Variants in MBL2 observed in about 807,000 individuals in gnomAD.
MBL2 encodes the protein mannose binding lectin 2.
In MBL2, 6 loss-of-function variants were observed where a neutral mutation model predicts 12.7. The observed-to-expected ratio is 0.47, with a 90% CI of 0.26 to 0.94. The LOEUF is 0.94. Among genes scored for constraint, MBL2 ranks in the 40% least tolerant of loss-of-function variants. The pLI, the probability that MBL2 is intolerant of heterozygous loss-of-function variation, is 0.15. For missense variants in MBL2, 307 were observed against 295.2 expected (o/e 1.04, Z -0.29); for synonymous variants, 114 against 112.0 (o/e 1.02, Z -0.11).
chr10:52,770,307 A>G (rs4935047), intron 3 of MBL2, among the ~76,000 whole-genome samples: 74,804 of 152,126 alleles, frequency 0.49, 19,964 homozygotes, highest in East Asian at 0.65. Flanking sequence ...GTAAAATATG[A>G]CATACCATGG....
rs1413946607 is a variant in MBL2 at position 52,771,554 on chromosome 10, C to A, written c.82G>T (p.Ala28Ser). 6.2e-7 allele frequency: 1 copy of A among 1,613,826 alleles called. No homozygotes were observed. The change falls in exon 2 of 5, where the codon GCC becomes TCC. Residue 28 changes from alanine (A) to serine (S), a missense_variant. By Grantham distance (99) the Ala-to-Ser change is moderately conservative. Transcript: ENST00000674931. ...SYSETVTCED[A>S]QKTCPAVIAC... ...ATCACTGCAGGGCAGGTCTTTTGGG[C>A]ATCCTCACAGGTCACAGTTTCTGAG...
In MBL2 at chr10:52,768,352, T is replaced by A; in HGVS notation, c.532A>T (p.Ile178Phe). The A allele has an allele frequency of 6.2e-7, 1 of 1,612,220 alleles. No homozygotes were observed. Among genetic ancestry groups the A allele is most frequent in the East Asian group, 2.2e-5 (1 of 44,828 alleles). ...AAENGAIQNL[I>F]KEEAFLGITD... ...ATGCCCAGGAAGGCTTCCTCCTTGATGAGATTCTGAATGGCTCCATTCTCT... is the reference window on the plus strand; with the variant it reads ...ATGCCCAGGAAGGCTTCCTCCTTGAAGAGATTCTGAATGGCTCCATTCTCT... Residue 178 changes from isoleucine (I) to phenylalanine (F), a missense_variant, in exon 5 of 5, where the codon ATC becomes TTC. By Grantham distance (21) the Ile-to-Phe change is conservative. Transcript: ENST00000674931.
rs16933335 is a variant in MBL2 at position 52,772,553 on chromosome 10, C to A, written c.-10+184G>T. ...AAAGACAGTCTCCACTGCAGATGAA[C>A]AGATAATGGAGGAAAGTCACAGATG... On this transcript the variant is annotated intron_variant, in intron 1 of 4. Transcript: ENST00000674931. Among the ~76,000 whole-genome samples the A allele has an allele frequency of 9.6e-3, 1,457 of 152,216 alleles. 24 individuals carry two copies. Among genetic ancestry groups the A allele is most frequent in the African/African-American group, 0.034 (1,395 of 41,522 alleles).
chr10:52,769,200 T>A, intron 4 of MBL2, 47 bp downstream of exon 4: 1 of 1,324,036 alleles, frequency 7.6e-7, no homozygotes, highest in Non-Finnish European at 1.1e-6. Flanking sequence ...TTGCATTCTA[T>A]TTTTCCCAAA....
Position 52,771,533 on chromosome 10 carries a change from C to T in MBL2, c.103G>A (p.Val35Met), listed in dbSNP as rs772241095. Residue 35 changes from valine (V) to methionine (M), a missense_variant, in exon 2 of 5, where the codon GTG (valine) becomes ATG (methionine). Coordinates refer to ENST00000674931, the MANE Select transcript of MBL2 (RefSeq NM_001378373.1). ...CEDAQKTCPA[V>M]IACSSPGING... ...ATGCCTGGAGAGCTACAGGCAATCA[C>T]TGCAGGGCAGGTCTTTTGGGCATCC... 3 of 1,613,948 alleles carry T rather than the reference C, an allele frequency of 1.9e-6. No individual in the cohort carries two copies. Among genetic ancestry groups the T allele is most frequent in the Non-Finnish European group, 2.5e-6 (3 of 1,179,880 alleles).
At chr10:52,771,926 G>A (rs1423993535) in intron 1 of MBL2, among the ~76,000 whole-genome samples, 4 of 152,160 alleles carry the variant, frequency 2.6e-5, no homozygotes, top group Admixed American at 1.3e-4. Context: ...CATGCTTTCG[G>A]TGGCAGTGAG....
intron 4 of MBL2, 23 bp downstream of exon 4, chr10:52,769,223 TG>T: frequency 6.4e-7 from 1 of 1,558,970 alleles, no homozygotes; most frequent in Non-Finnish European, 8.7e-7. Flanking sequence ...TCAAGCTGCC[TG>T]GAGAGTAAGA....
rs1262009865 is a variant in MBL2, at chr10:52,765,982, GA to G, written c.*2154del. ...TATTTCTGTGTACAACAATAGAAAA[GA>G]AAAAATATTTAAAATATATTATTAA... On this transcript the variant is annotated 3_prime_UTR_variant, in exon 5 of 5. Coordinates refer to ENST00000674931, the MANE Select transcript of MBL2 (RefSeq NM_001378373.1). 6.6e-6 allele frequency: 1 copy of G among 151,790 alleles called. No individual in the cohort carries two copies. The highest frequency in any genetic ancestry group is 2.1e-4 in the South Asian group (1 of 4,806). 9.4% of individuals were successfully genotyped at this position (151,790 alleles called of 1,614,324 possible).
intron 1 of MBL2, among the ~76,000 whole-genome samples, chr10:52,772,332 A>G (rs1416965473): frequency 1.3e-5 from 2 of 152,072 alleles, no homozygotes. Context: ...ATACCTCTCT[A>G]CTTTCTGGCA....
At chr10:52,768,582 C>T (rs1589870483) in intron 4 of MBL2, 72 bp from the exon 5 acceptor site, 2 of 1,177,996 alleles carry the variant, frequency 1.7e-6, no homozygotes, top group East Asian at 4.8e-5. Context: ...AAGAAAAAGT[C>T]TTCTAGAGTA....
chr10:52,767,351 A>G lies in MBL2; in HGVS notation c.*786T>C, dbSNP rs537278489. 1 of 152,180 alleles carries G rather than the reference A, an allele frequency of 6.6e-6. No individual in the cohort carries two copies. Among genetic ancestry groups the G allele is most frequent in the East Asian group, 1.9e-4 (1 of 5,188 alleles). 9.4% of individuals were successfully genotyped at this position (152,180 alleles called of 1,614,324 possible). On this transcript the variant is annotated 3_prime_UTR_variant, in exon 5 of 5. Transcript: ENST00000674931. ...TGTACACATGACATGAATGAATCTC[A>G]CAGACTTAATTCTGAGTAAACAAGA...
At position 52,765,982 on chromosome 10, in the gene MBL2, GAAAA is replaced by G. The variant is rs1262009865; in HGVS notation, c.*2151_*2154del. 2 of 151,672 alleles carry G rather than the reference GAAAA, an allele frequency of 1.3e-5. No homozygotes were observed. The highest frequency in any genetic ancestry group is 4.8e-5 in the African/African-American group (2 of 41,338). 9.4% of individuals were successfully genotyped at this position (151,672 alleles called of 1,614,324 possible). A position where few individuals can be genotyped will look rare whatever the true frequency, so the allele number is the denominator to read the frequency against. On this transcript the variant is annotated 3_prime_UTR_variant, in exon 5 of 5. Coordinates refer to ENST00000674931, the MANE Select transcript of MBL2 (RefSeq NM_001378373.1). ...TATTTCTGTGTACAACAATAGAAAAGAAAAAATATTTAAAATATATTATTAAAAT... is the reference window on the plus strand; with the variant it reads ...TATTTCTGTGTACAACAATAGAAAAGAATATTTAAAATATATTATTAAAAT...
chr10:52,767,938 G>A lies in MBL2; in HGVS notation c.*199C>T, dbSNP rs896089919. On this transcript the variant is annotated 3_prime_UTR_variant, in exon 5 of 5. Transcript: ENST00000674931. ...ATATATTAAAAATATTATATAATTA[G>A]CATGACTACTACTGCTGCTGCTAAC... 4.3e-6 allele frequency: 2 copies of A among 461,384 alleles called. No individual in the cohort carries two copies. The highest frequency in any genetic ancestry group is 7.4e-6 in the Non-Finnish European group (2 of 269,414). The allele number at this position is 461,384 out of a possible 1,614,324, so 28.6% of individuals were successfully genotyped here.
intron 1 of MBL2, among the ~76,000 whole-genome samples, chr10:52,772,508 C>T (rs1840410375): frequency 6.6e-6 from 1 of 152,134 alleles, no homozygotes; most frequent in African/African-American, 2.4e-5. Context: ...GTCTAAGCCT[C>T]CAAGTTTCCC....
intron 4 of MBL2, 103 bp from the exon 5 acceptor site, chr10:52,768,613 G>A (rs1408868336): frequency 2.7e-6 from 2 of 738,650 alleles, no homozygotes; most frequent in Non-Finnish European, 4.3e-6. Context: ...ATAAAATATA[G>A]TATGTCCAGT....
chr10:52,771,558 C>T lies in MBL2; in HGVS notation c.78G>A (p.Glu26=), dbSNP rs1840393421. The change falls in exon 2 of 5, where the codon GAG becomes GAA. Residue 26 remains glutamate, a synonymous_variant. Transcript: ENST00000674931. ...AASYSETVTC[E]DAQKTCPAVI... is the part of the protein sequence containing the mutation. ...CTGCAGGGCAGGTCTTTTGGGCATC[C>T]TCACAGGTCACAGTTTCTGAGTAAG... The T allele has an allele frequency of 6.2e-7, 1 of 1,613,956 alleles. No individual in the cohort carries two copies. The highest frequency in any genetic ancestry group is 8.5e-7 in the Non-Finnish European group (1 of 1,179,908).
chr10:52,769,307 T>A lies in MBL2; in HGVS notation c.313A>T (p.Ser105Cys). The change falls in exon 4 of 5, where the codon AGT becomes TGT. Residue 105 changes from serine to cysteine, a missense_variant. Physicochemically the swap from Ser to Cys is moderately radical, Grantham distance 112. Transcript: ENST00000674931. ...TTTCTTTCTGAGGCAGCCAGGCTACTATCACCATCTAGAAAATTAGAACAA... is the reference window on the plus strand; with the variant it reads ...TTTCTTTCTGAGGCAGCCAGGCTACAATCACCATCTAGAAAATTAGAACAA... Reference protein sequence around the residue: ...GDPGKSPDGDSSLAASERKAL... With the variant: ...GDPGKSPDGDCSLAASERKAL... The A allele has an allele frequency of 6.2e-7, 1 of 1,608,772 alleles. No individual in the cohort carries two copies. Among genetic ancestry groups the A allele is most frequent in the South Asian group, 1.1e-5 (1 of 90,616 alleles).
chr10:52,771,288 G>T (rs1840387959), intron 2 of MBL2, among the ~76,000 whole-genome samples, 161 bp downstream of exon 2: 1 of 152,166 alleles, frequency 6.6e-6, no homozygotes, highest in Non-Finnish European at 1.5e-5. Context: ...AAACTGCTGT[G>T]TGGAATTCTG....
intron 4 of MBL2, 24 bp from the exon 5 acceptor site, chr10:52,768,534 A>C (rs553991691): frequency 1.3e-6 from 2 of 1,512,838 alleles, no homozygotes; most frequent in Non-Finnish European, 1.8e-6. Flanking sequence ...AAGTGGGTGA[A>C]ACTGACTCAT....
Sources: allele counts gnomAD v4.1 joint callset (sites outside exome capture counted in the v4.1 genomes callset), GRCh38; gene constraint gnomAD v4.1.1; transcripts MANE v1.5; gene names NCBI Gene and HGNC (gene_info 2026-07-23, HGNC 2026-07-21).